The following UGT2B7 variants were observed in gnomAD, a reference collection of about 807,000 sequenced individuals.
UGT2B7 encodes the protein UDP glucuronosyltransferase family 2 member B7.
A neutral mutation model predicts 51.9 loss-of-function variants in UGT2B7; 51 were observed. The observed-to-expected ratio is 0.98, with a 90% CI of 0.78 to 1.24. The LOEUF (loss-of-function observed/expected upper bound fraction) is 1.24. Ranked by LOEUF, UGT2B7 falls within the 50% of genes most tolerant of loss-of-function variation. The probability of loss-of-function intolerance (pLI) is 0.00; values close to 1 mark genes in which losing one functional copy is unlikely to be tolerated. For synonymous variants in UGT2B7, 225 were observed against 211.6 expected (o/e 1.06, Z -0.55); for missense variants, 727 against 628.4 (o/e 1.16, Z -1.68).
intron 1 of UGT2B7, among the ~76,000 whole-genome samples, chr4:69,085,464 T>C (rs7677434): frequency 0.58 from 87,633 of 151,906 alleles, 26,280 homozygotes; most frequent in African/African-American, 0.71. Context: ...AGCTCTTTAG[T>C]TTAATTAGAT....
intron 1 of UGT2B7, among the ~76,000 whole-genome samples, chr4:69,065,547 A>G (rs11945705): frequency 0.18 from 27,646 of 152,158 alleles, 2,810 homozygotes; most frequent in Admixed American, 0.28. Flanking sequence ...ATGTGCTAAT[A>G]TTCTCGATAT....
In UGT2B7 at chr4:69,112,808, G is replaced by GCATCACAATCTT; in HGVS notation, c.*72_*73insCATCACAATCTT. ...TCAGTTTATTCCAGCAAGAAAGATTGTGATGCAAGATTTCTTTCTTCCTGA... is the reference window on the plus strand; with the variant it reads ...TCAGTTTATTCCAGCAAGAAAGATTGCATCACAATCTTTGATGCAAGATTTCTTTCTTCCTGA... On this transcript the variant is annotated 3_prime_UTR_variant, in exon 6 of 6. Coordinates refer to ENST00000305231, the MANE Select transcript of UGT2B7 (RefSeq NM_001074.4). 1 of 1,401,270 alleles carries GCATCACAATCTT rather than the reference G, an allele frequency of 7.1e-7. No homozygotes were observed. Among genetic ancestry groups the GCATCACAATCTT allele is most frequent in the Non-Finnish European group, 9.5e-7 (1 of 1,056,014 alleles). 86.8% of individuals were successfully genotyped at this position (1,401,270 alleles called of 1,614,324 possible).
At chr4:69,074,409 G>T (rs1718659778) in intron 1 of UGT2B7, among the ~76,000 whole-genome samples, 1 of 129,486 alleles carries the variant, frequency 7.7e-6, no homozygotes, top group Non-Finnish European at 1.5e-5. Flanking sequence ...CTGGACGATG[G>T]AATAACACCT....
At chr4:69,064,684 T>C (rs1718450110) in intron 1 of UGT2B7, among the ~76,000 whole-genome samples, 1 of 152,188 alleles carries the variant, frequency 6.6e-6, no homozygotes, top group African/African-American at 2.4e-5. Flanking sequence ...TCAAGTGCTG[T>C]CTTTGTTGGG....
chr4:69,112,345 G>A, intron 5 of UGT2B7, 112 bp from the exon 6 acceptor site: 1 of 1,407,720 alleles, frequency 7.1e-7, no homozygotes, highest in Non-Finnish European at 9.5e-7. Context: ...TGAGAGAGGA[G>A]TCTTGCCGAT....
chr4:69,106,051 T>G, intron 3 of UGT2B7, among the ~76,000 whole-genome samples: 1 of 152,222 alleles, frequency 6.6e-6, no homozygotes. Context: ...TAGCTAAAAT[T>G]TTTATACATT....
At chr4:69,058,619 GC>G (rs1198223919) in intron 1 of UGT2B7, among the ~76,000 whole-genome samples, 6 of 152,192 alleles carry the variant, frequency 3.9e-5, no homozygotes, top group Non-Finnish European at 8.8e-5. Context: ...ACTTAGTGAG[GC>G]CAGCACATGC....
chr4:69,070,924 T>A (rs1337785571), intron 1 of UGT2B7, among the ~76,000 whole-genome samples: 1 of 152,136 alleles, frequency 6.6e-6, no homozygotes, highest in Non-Finnish European at 1.5e-5. Flanking sequence ...ATACAAAATA[T>A]TTTCTCTTGA....
intron 2 of UGT2B7, among the ~76,000 whole-genome samples, chr4:69,100,377 A>G (rs1314084902): frequency 6.6e-6 from 1 of 152,100 alleles, no homozygotes; most frequent in Admixed American, 6.6e-5. Flanking sequence ...TTAAATTAAT[A>G]TCACACTTTT....
intron 1 of UGT2B7, among the ~76,000 whole-genome samples, chr4:69,062,783 C>T (rs1381553790): frequency 2.6e-5 from 4 of 152,184 alleles, no homozygotes; most frequent in African/African-American, 9.7e-5. Flanking sequence ...ACTGACTAGT[C>T]TATGCACGGC....
chr4:69,063,399 T>C (rs542615000), intron 1 of UGT2B7, among the ~76,000 whole-genome samples: 2 of 149,772 alleles, frequency 1.3e-5, no homozygotes, highest in Non-Finnish European at 3.0e-5. Context: ...GGGCACAAGA[T>C]AGGTCAGGGG....
Position 69,111,652 on chromosome 4 carries a change from A to G in UGT2B7, c.1311-805A>G, listed in dbSNP as rs116911809. 6.2e-3 allele frequency among the ~76,000 whole-genome samples: 941 copies of G among 152,322 alleles called. 20 individuals are homozygous for G. The highest frequency in any genetic ancestry group is 0.061 in the South Asian group (293 of 4,830). ...CCATGATGTGATTATTTCATATTGT[A>G]TCAAAACATCTCATATACCCCATAA... On this transcript the variant is annotated intron_variant, in intron 5 of 5. Transcript: ENST00000305231.
chr4:69,059,160 T>C (rs528954246), intron 1 of UGT2B7, among the ~76,000 whole-genome samples: 25 of 152,118 alleles, frequency 1.6e-4, no homozygotes, highest in Non-Finnish European at 3.2e-4. Context: ...ATGGCCAGAT[T>C]GGAAGTTAGA....
intron 1 of UGT2B7, among the ~76,000 whole-genome samples, chr4:69,083,530 A>C (rs1314364686): frequency 6.6e-6 from 1 of 152,112 alleles, no homozygotes; most frequent in Non-Finnish European, 1.5e-5. Context: ...TCAAGACTTT[A>C]TAACTACAGA....
At chr4:69,060,662 C>G (rs1280517039) in intron 1 of UGT2B7, among the ~76,000 whole-genome samples, 2 of 152,192 alleles carry the variant, frequency 1.3e-5, no homozygotes, top group African/African-American at 4.8e-5. Context: ...TCTGTGGCAC[C>G]TGGATGGAGT....
chr4:69,084,380 C>T (rs915572398), intron 1 of UGT2B7, among the ~76,000 whole-genome samples: 11 of 143,666 alleles, frequency 7.7e-5, no homozygotes, highest in Non-Finnish European at 1.4e-4. Flanking sequence ...GGTAATCATA[C>T]TCTTGACAAA....
chr4:69,060,117 A>C (rs1718311045), intron 1 of UGT2B7, among the ~76,000 whole-genome samples: 1 of 152,216 alleles, frequency 6.6e-6, no homozygotes, highest in African/African-American at 2.4e-5. Context: ...GCTCCAGTAC[A>C]TTGATGATCT....
At chr4:69,092,891 T>C (rs1213343991), upstream of UGT2B7, among the ~76,000 whole-genome samples, 1 of 151,886 alleles carries the variant, frequency 6.6e-6, no homozygotes, top group Non-Finnish European at 1.5e-5. Context: ...AGTTACACTT[T>C]CTTTAGAGTC....
chr4:69,064,096 GA>G (rs1718430247), intron 1 of UGT2B7, among the ~76,000 whole-genome samples: 9 of 75,668 alleles, frequency 1.2e-4, no homozygotes, highest in African/African-American at 5.4e-4. Context: ...AAGAAAGAAA[GA>G]GAAAGAAAGA....
Sources: allele counts gnomAD v4.1 joint callset (sites outside exome capture counted in the v4.1 genomes callset), GRCh38; gene constraint gnomAD v4.1.1; transcripts MANE v1.5; gene names NCBI Gene and HGNC (gene_info 2026-07-23, HGNC 2026-07-21).